The following FTO variants were observed in gnomAD, a reference collection of about 807,000 sequenced individuals.
FTO encodes the protein FTO alpha-ketoglutarate dependent dioxygenase, also known as alpha-ketoglutarate-dependent dioxygenase FTO.
FTO carries 47 observed loss-of-function variants against 63.9 expected under a neutral mutation model. That is an observed-to-expected ratio of 0.74 (90% CI 0.58 to 0.94). The LOEUF is 0.94. Among genes scored for constraint, FTO ranks in the 40% least tolerant of loss-of-function variants. The pLI, the probability that FTO is intolerant of heterozygous loss-of-function variation, is 0.00. For synonymous variants in FTO, 207 were observed against 224.4 expected (o/e 0.92, Z 0.69); for missense variants, 562 against 618.1 (o/e 0.91, Z 0.96).
chr16:53,743,274 T>C (rs2076570357), intron 1 of FTO, among the ~76,000 whole-genome samples: 2 of 152,196 alleles, frequency 1.3e-5, no homozygotes, highest in Non-Finnish European at 2.9e-5. Context: ...GGCCACTAGG[T>C]GGCTCCTTTT....
At chr16:53,708,720 G>C (rs930475991) in intron 1 of FTO, among the ~76,000 whole-genome samples, 2 of 152,162 alleles carry the variant, frequency 1.3e-5, no homozygotes, top group African/African-American at 4.8e-5. Context: ...CCGTTATAGT[G>C]GGTGTGAAGT....
chr16:54,095,016 C>G (rs928678420), intron 8 of FTO, among the ~76,000 whole-genome samples: 1 of 152,138 alleles, frequency 6.6e-6, no homozygotes, highest in Non-Finnish European at 1.5e-5. Flanking sequence ...CTCTTTGCCC[C>G]CTTCCTCCAG....
At chr16:54,018,887 G>A (rs775117309) in intron 8 of FTO, among the ~76,000 whole-genome samples, 11 of 152,066 alleles carry the variant, frequency 7.2e-5, no homozygotes, top group Non-Finnish European at 1.0e-4. Flanking sequence ...TAATACAATG[G>A]GCACAGTATC....
chr16:53,738,192 T>G lies in FTO; in HGVS notation c.45+33963T>G, dbSNP rs145385761. On this transcript the variant is annotated intron_variant, in intron 1 of 8. Transcript: ENST00000471389. ...CATGCGCCACCACGCCCAGCTAATT[T>G]TGTATTTTTAGTAGAGACGGGGTTT... Among the ~76,000 whole-genome samples the G allele has an allele frequency of 1.5e-3, 230 of 152,264 alleles. 2 individuals carry two copies. The highest frequency in any genetic ancestry group is 4.4e-3 in the African/African-American group (183 of 41,552).
At chr16:54,079,301 C>G (rs1294473476) in intron 8 of FTO, among the ~76,000 whole-genome samples, 1 of 152,050 alleles carries the variant, frequency 6.6e-6, no homozygotes, top group Non-Finnish European at 1.5e-5. Context: ...GATGGCCAAA[C>G]CAAGAATGAA....
intron 8 of FTO, among the ~76,000 whole-genome samples, chr16:54,061,912 G>A (rs187466658): frequency 5.3e-4 from 80 of 152,288 alleles, no homozygotes; most frequent in African/African-American, 1.8e-3. Context: ...CTGGTCTAGG[G>A]CTAGAATGCC....
intron 8 of FTO, chr16:53,984,849 C>T (rs2083629507): frequency 2.3e-6 from 1 of 442,944 alleles, no homozygotes; most frequent in Non-Finnish European, 4.5e-6. Context: ...CTTTTGGTGT[C>T]TTTTGGATTG....
At chr16:54,006,342 G>A (rs1310422102) in intron 8 of FTO, among the ~76,000 whole-genome samples, 2 of 152,164 alleles carry the variant, frequency 1.3e-5, no homozygotes, top group African/African-American at 4.8e-5. Flanking sequence ...GGAATAAAAA[G>A]ATTTGGATCA....
At chr16:53,833,394 T>C (rs2079196033) in intron 3 of FTO, among the ~76,000 whole-genome samples, 1 of 152,244 alleles carries the variant, frequency 6.6e-6, no homozygotes, top group African/African-American at 2.4e-5. Flanking sequence ...TTTTTAAAGA[T>C]GACTAATATT....
At chr16:53,879,664 T>G (rs2080766888) in intron 5 of FTO, among the ~76,000 whole-genome samples, 180 bp from the exon 6 acceptor site, 4 of 129,016 alleles carry the variant, frequency 3.1e-5, no homozygotes, top group South Asian at 2.4e-4. Context: ...CCAGCTTGGG[T>G]GACACAGCAA....
At chr16:53,720,457 G>A (rs952692352) in intron 1 of FTO, among the ~76,000 whole-genome samples, 4 of 151,598 alleles carry the variant, frequency 2.6e-5, no homozygotes, top group African/African-American at 9.7e-5. Context: ...CTTAGGAACA[G>A]AAACTTATTT....
chr16:54,077,147 T>C (rs143601085), intron 8 of FTO, among the ~76,000 whole-genome samples: 4 of 152,346 alleles, frequency 2.6e-5, no homozygotes, highest in Admixed American at 1.3e-4. Context: ...TAGTGGGATA[T>C]GAAAAGCTGA....
At chr16:53,752,840 C>G (rs62048376) in intron 1 of FTO, among the ~76,000 whole-genome samples, 11,569 of 151,542 alleles carry the variant, frequency 0.076, 516 homozygotes, top group Middle Eastern at 0.14. Context: ...GATAAATGAA[C>G]TTTATAGTTA....
intron 8 of FTO, among the ~76,000 whole-genome samples, chr16:54,059,918 T>G (rs1404561261): frequency 6.6e-6 from 1 of 152,138 alleles, no homozygotes; most frequent in Non-Finnish European, 1.5e-5. Flanking sequence ...TTGTTTTTTG[T>G]TTTCTGTGTG....
At chr16:54,081,748 T>G (rs544686403) in intron 8 of FTO, among the ~76,000 whole-genome samples, 1 of 152,326 alleles carries the variant, frequency 6.6e-6, no homozygotes, top group South Asian at 2.1e-4. Context: ...CTATGGACTT[T>G]CCTTCCTTCA....
chr16:54,033,144 A>G (rs1288648525), intron 8 of FTO, among the ~76,000 whole-genome samples: 1 of 152,220 alleles, frequency 6.6e-6, no homozygotes, highest in African/African-American at 2.4e-5. Context: ...TATTTAGGTT[A>G]AAAGGTTTTC....
At chr16:53,774,083 A>C (rs1490377384) in intron 1 of FTO, among the ~76,000 whole-genome samples, 2 of 152,126 alleles carry the variant, frequency 1.3e-5, no homozygotes, top group African/African-American at 4.8e-5. Flanking sequence ...AACAATTTCA[A>C]CGTTTATTTT....
At chr16:53,950,795 C>T (rs1302833146) in intron 8 of FTO, among the ~76,000 whole-genome samples, 1 of 152,194 alleles carries the variant, frequency 6.6e-6, no homozygotes, top group Non-Finnish European at 1.5e-5. Flanking sequence ...GTTAGGACCT[C>T]AGTGTCCTGA....
intron 7 of FTO, 66 bp downstream of exon 7, chr16:53,889,017 C>T: frequency 6.5e-7 from 1 of 1,543,840 alleles, no homozygotes; most frequent in Non-Finnish European, 9.0e-7. Context: ...TCCACTGCCT[C>T]ATTTGCTTAG....
Sources: allele counts gnomAD v4.1 joint callset (sites outside exome capture counted in the v4.1 genomes callset), GRCh38; gene constraint gnomAD v4.1.1; transcripts MANE v1.5; gene names NCBI Gene and HGNC (gene_info 2026-07-23, HGNC 2026-07-21).